Variants in PTPRD observed in about 807,000 individuals in gnomAD.
PTPRD encodes the protein receptor-type tyrosine-protein phosphatase delta.
In PTPRD, 34 loss-of-function variants were observed where a neutral mutation model predicts 214.5. The observed-to-expected ratio is 0.16, with a 90% confidence interval of 0.12 to 0.21. The LOEUF (loss-of-function observed/expected upper bound fraction) is 0.21. Ranked by LOEUF, PTPRD falls within the 10% of genes least tolerant of loss-of-function variation. The probability of loss-of-function intolerance (pLI) is 1.00; values close to 1 mark genes in which losing one functional copy is unlikely to be tolerated. For missense variants in PTPRD, 2,545 were observed against 2,398.7 expected, an observed-to-expected ratio of 1.06 and a Z score of -1.27; for synonymous variants, 1,128 against 845.7, an observed-to-expected ratio of 1.33 and a Z score of -5.79.
At chr9:10,564,171 C>CTTTCTTTTTTTT (rs2064912738) in intron 2 of PTPRD, among the ~76,000 whole-genome samples, 1 of 29,408 alleles carries the variant, frequency 3.4e-5, no homozygotes, top group Non-Finnish European at 5.5e-5. Flanking sequence ...CTAGGCTATT[C>CTTTCTTTTTTTT]TTTTTTTTTT....
intron 7 of PTPRD, among the ~76,000 whole-genome samples, chr9:9,717,381 T>G (rs2097854025): frequency 1.3e-5 from 2 of 152,230 alleles, no homozygotes; most frequent in African/African-American, 2.4e-5. Context: ...TTTCCAATTC[T>G]GTGAAGAAAG....
intron 11 of PTPRD, among the ~76,000 whole-genome samples, chr9:8,849,401 T>C (rs2097769823): frequency 6.6e-6 from 1 of 152,054 alleles, no homozygotes; most frequent in African/African-American, 2.4e-5. Flanking sequence ...TTATTTTTTG[T>C]ATTTTTAGTG....
chr9:9,864,482 C>G (rs1396230543), intron 5 of PTPRD, among the ~76,000 whole-genome samples: 1 of 151,912 alleles, frequency 6.6e-6, no homozygotes, highest in African/African-American at 2.4e-5. Context: ...CACTAATATA[C>G]AGTTTCTGTT....
intron 2 of PTPRD, among the ~76,000 whole-genome samples, chr9:10,583,448 C>G (rs1313667151): frequency 6.9e-6 from 1 of 145,630 alleles, no homozygotes; most frequent in Non-Finnish European, 1.5e-5. Context: ...TGGTTATAAA[C>G]TAGAAGTTCT....
At chr9:9,943,051 A>G (rs935855077) in intron 4 of PTPRD, among the ~76,000 whole-genome samples, 4 of 152,134 alleles carry the variant, frequency 2.6e-5, no homozygotes, top group Non-Finnish European at 4.4e-5. Flanking sequence ...GATAGTGGAT[A>G]TAGCTGGATG....
At chr9:9,027,919 C>T (rs78095464) in intron 10 of PTPRD, among the ~76,000 whole-genome samples, 9,019 of 152,034 alleles carry the variant, frequency 0.059, 362 homozygotes, top group Non-Finnish European at 0.094. Flanking sequence ...AAAGAATCCC[C>T]TGTGATGAAA....
At position 9,619,383 on chromosome 9, in the gene PTPRD, G is replaced by T. The variant is rs558979710; in HGVS notation, c.-286-44602C>A. 1.7e-4 allele frequency among the ~76,000 whole-genome samples: 26 copies of T among 151,700 alleles called. No individual in the cohort carries two copies. In the South Asian group the frequency reaches 5.2e-3, roughly 30 times the overall value. On this transcript the variant is annotated intron_variant, in intron 7 of 45. Coordinates refer to ENST00000381196, the MANE Select transcript of PTPRD (RefSeq NM_002839.4). ...GAGGAGGCTTCAAATATCACAGAAGGTGGCTAAACTTTGACACTGATCCAA... is the reference window on the plus strand; with the variant it reads ...GAGGAGGCTTCAAATATCACAGAAGTTGGCTAAACTTTGACACTGATCCAA...
intron 14 of PTPRD, among the ~76,000 whole-genome samples, chr9:8,551,114 C>T (rs1266071223): frequency 1.3e-5 from 2 of 152,070 alleles, no homozygotes; most frequent in Admixed American, 1.3e-4. Context: ...TATTTTATTC[C>T]CTTGGAGTAT....
chr9:8,389,649 G>T (rs1403818609), intron 36 of PTPRD, among the ~76,000 whole-genome samples: 1 of 152,068 alleles, frequency 6.6e-6, no homozygotes, highest in Non-Finnish European at 1.5e-5. Flanking sequence ...ACAATAGATG[G>T]TCCATAGAAT....
At chr9:8,506,537 C>A (rs188610747) in intron 22 of PTPRD, among the ~76,000 whole-genome samples, 35 of 152,314 alleles carry the variant, frequency 2.3e-4, no homozygotes, top group African/African-American at 7.9e-4. Context: ...CCAGCTCTGC[C>A]ATCCACTAGT....
intron 10 of PTPRD, among the ~76,000 whole-genome samples, chr9:9,081,867 C>T (rs2099759644): frequency 1.3e-5 from 2 of 151,160 alleles, no homozygotes; most frequent in Non-Finnish European, 2.9e-5. Context: ...AATATTCCTC[C>T]ATGCCTTTAT....
intron 8 of PTPRD, among the ~76,000 whole-genome samples, chr9:9,501,892 CAG>C (rs1395896996): frequency 1.3e-5 from 2 of 151,746 alleles, no homozygotes; most frequent in South Asian, 2.1e-4. Context: ...AAAAACAACA[CAG>C]AGAAAACTTG....
chr9:10,273,195 G>A (rs972606926), intron 3 of PTPRD, among the ~76,000 whole-genome samples: 2 of 152,128 alleles, frequency 1.3e-5, no homozygotes, highest in South Asian at 4.1e-4. Context: ...ATACACATGA[G>A]AGCTTGGAAA....
chr9:9,465,608 A>G (rs2094079808), intron 8 of PTPRD, among the ~76,000 whole-genome samples: 1 of 152,198 alleles, frequency 6.6e-6, no homozygotes, highest in Non-Finnish European at 1.5e-5. Context: ...TGATTTCCAA[A>G]TTCCTGATTT....
chr9:9,946,821 G>C (rs553473959), intron 4 of PTPRD, among the ~76,000 whole-genome samples: 2 of 152,144 alleles, frequency 1.3e-5, no homozygotes, highest in African/African-American at 4.8e-5. Flanking sequence ...TAGAATTAAA[G>C]CAAAACTCAA....
At chr9:9,019,309 A>AAAGAAAGAAAGAAAGG (rs1569428689) in intron 10 of PTPRD, among the ~76,000 whole-genome samples, 7 of 107,796 alleles carry the variant, frequency 6.5e-5, no homozygotes, top group African/African-American at 2.7e-4. Context: ...AGAAAGAAAG[A>AAAGAAAGAAAGAAAGG]AAGAAAGAAA....
chr9:9,916,087 A>AAC (rs897193772), intron 5 of PTPRD, among the ~76,000 whole-genome samples: 5 of 150,538 alleles, frequency 3.3e-5, no homozygotes, highest in African/African-American at 1.2e-4. Context: ...AATTAAAAAA[A>AAC]AAAAAACAAA....
chr9:8,898,284 A>G (rs1314023768), intron 11 of PTPRD, among the ~76,000 whole-genome samples: 2 of 151,826 alleles, frequency 1.3e-5, no homozygotes, highest in East Asian at 1.9e-4. Flanking sequence ...TAAAATAACT[A>G]TCTGAGAGCC....
chr9:8,507,516 A>T (rs2097566625), intron 21 of PTPRD, 82 bp from the exon 22 acceptor site: 1 of 1,548,396 alleles, frequency 6.5e-7, no homozygotes, highest in Admixed American at 1.7e-5. Context: ...ACCTGCTTAA[A>T]CCTTTCGAAA....
Sources: gnomAD v4.1 joint callset for allele counts (sites outside exome capture counted in the v4.1 genomes callset) on GRCh38, gnomAD v4.1.1 for gene constraint, MANE v1.5 for transcripts, NCBI Gene and HGNC (gene_info 2026-07-23, HGNC 2026-07-21) for gene names.